COMMD1: variants seen among roughly 807,000 people sequenced by gnomAD.
COMMD1 encodes the protein copper metabolism domain containing 1, also known as COMM domain-containing protein 1.
In COMMD1, 10 loss-of-function variants were observed where a neutral mutation model predicts 17.2. That is an observed-to-expected ratio of 0.58 (90% CI 0.36 to 0.99). COMMD1 has a LOEUF of 0.99. Among genes scored for constraint, COMMD1 ranks in the 50% least tolerant of loss-of-function variants. The pLI is 0.01. For missense variants in COMMD1, 270 were observed against 231.8 expected (o/e 1.17, Z -1.07); for synonymous variants, 97 against 91.6 (o/e 1.06, Z -0.34).
At chr2:62,111,527 C>G (rs917762182) in intron 2 of COMMD1, among the ~76,000 whole-genome samples, 9 of 152,144 alleles carry the variant, frequency 5.9e-5, no homozygotes, top group African/African-American at 1.7e-4. Context: ...ATTCCTTCCT[C>G]CCAGATATGG....
intron 1 of COMMD1, among the ~76,000 whole-genome samples, chr2:61,998,109 C>A (rs1420255908): frequency 1.3e-5 from 2 of 152,244 alleles, no homozygotes; most frequent in Non-Finnish European, 2.9e-5. Context: ...TCACCTCTCT[C>A]AACCTACATA....
chr2:62,047,568 C>T (rs2103910456), intron 2 of COMMD1, among the ~76,000 whole-genome samples: 1 of 152,036 alleles, frequency 6.6e-6, no homozygotes. Flanking sequence ...GATTTTCCTG[C>T]CTCAGCCTCC....
rs562582724 is a variant in COMMD1, at chr2:62,111,452, T to C, written c.463-24379T>C. The stretch of plus-strand genomic sequence containing the variant: ...TACATGGGGTGTATTCTAATGGTAA[T>C]AGACTGAGGGGGGAAGCCCAGCAAG... On this transcript the variant is annotated intron_variant, in intron 2 of 2. Transcript: ENST00000311832. Among the ~76,000 whole-genome samples, 7 of 152,272 alleles carry C rather than the reference T, an allele frequency of 4.6e-5. No homozygotes were observed. The East Asian group carries it at 5.8e-4, about 13-fold the overall frequency.
intron 2 of COMMD1, among the ~76,000 whole-genome samples, chr2:62,063,131 C>A (rs960771445): frequency 1.3e-5 from 2 of 152,178 alleles, no homozygotes; most frequent in South Asian, 2.1e-4. Context: ...GCAGGAGAAT[C>A]GCTTGAACCC....
At chr2:62,106,224 C>A (rs896845870) in intron 2 of COMMD1, among the ~76,000 whole-genome samples, 8 of 152,158 alleles carry the variant, frequency 5.3e-5, no homozygotes, top group South Asian at 2.1e-4. Context: ...TTGCTTGGAC[C>A]AAGGGGCACA....
At chr2:62,046,070 C>T (rs1336485277) in intron 2 of COMMD1, among the ~76,000 whole-genome samples, 7 of 152,182 alleles carry the variant, frequency 4.6e-5, no homozygotes, top group African/African-American at 7.2e-5. Context: ...CCAATGTCAG[C>T]TTGGCCTATG....
At chr2:62,064,198 A>G (rs1336747188) in intron 2 of COMMD1, among the ~76,000 whole-genome samples, 1 of 152,052 alleles carries the variant, frequency 6.6e-6, no homozygotes, top group African/African-American at 2.4e-5. Context: ...ATTTTGAGAC[A>G]GAGTTTCACT....
intron 2 of COMMD1, among the ~76,000 whole-genome samples, chr2:62,124,249 A>C (rs2104083292): frequency 6.6e-6 from 1 of 152,248 alleles, no homozygotes; most frequent in South Asian, 2.1e-4. Context: ...CAGTGAGCTG[A>C]GATCGTGCCA....
At chr2:62,124,710 C>T (rs1236036221) in intron 2 of COMMD1, among the ~76,000 whole-genome samples, 10 of 152,018 alleles carry the variant, frequency 6.6e-5, no homozygotes, top group East Asian at 1.9e-4. Flanking sequence ...CCACCAAGCC[C>T]GGCTAATTTT....
chr2:62,090,756 C>T (rs762654204), intron 2 of COMMD1: 1 of 152,140 alleles, frequency 6.6e-6, no homozygotes, highest in Non-Finnish European at 1.5e-5. Flanking sequence ...ATCAGGGTTC[C>T]AGGTAGTTTG....
chr2:61,955,276 C>T (rs1357197484), intron 1 of COMMD1, among the ~76,000 whole-genome samples: 1 of 151,670 alleles, frequency 6.6e-6, no homozygotes, highest in Non-Finnish European at 1.5e-5. Context: ...ATTGCTAGAG[C>T]TGAGGTTGAG....
intron 2 of COMMD1, among the ~76,000 whole-genome samples, chr2:62,083,110 T>A (rs577196244): frequency 6.6e-6 from 1 of 152,210 alleles, no homozygotes; most frequent in African/African-American, 2.4e-5. Flanking sequence ...AATTTAAAAA[T>A]TAGCTAGGTG....
chr2:61,929,795 A>G lies in COMMD1; in HGVS notation c.180+23937A>G, dbSNP rs190544653. On this transcript the variant is annotated intron_variant, in intron 1 of 2. Transcript: ENST00000311832. ...AAAAATTAGTTGGGTATGGTGGTGC[A>G]TGTCTGTAGTCCCAGCTTTTCTGGA... 1.7e-3 allele frequency among the ~76,000 whole-genome samples: 262 copies of G among 152,228 alleles called. 1 individual carries two copies. Among genetic ancestry groups the G allele is most frequent in the African/African-American group, 5.9e-3 (247 of 41,550 alleles).
chr2:62,020,962 C>T (rs915187213), intron 2 of COMMD1, among the ~76,000 whole-genome samples: 5 of 150,728 alleles, frequency 3.3e-5, no homozygotes, highest in Admixed American at 3.3e-4. Context: ...GAGATTGCGC[C>T]ATTGCACTCC....
chr2:61,931,038 A>G (rs1323710840), intron 1 of COMMD1, among the ~76,000 whole-genome samples: 1 of 152,034 alleles, frequency 6.6e-6, no homozygotes, highest in Admixed American at 6.6e-5. Flanking sequence ...TAGGCTGGGT[A>G]TGGGGGCTCG....
intron 2 of COMMD1, among the ~76,000 whole-genome samples, chr2:62,127,071 G>C (rs1354434467): frequency 6.6e-6 from 1 of 152,010 alleles, no homozygotes; most frequent in Admixed American, 6.6e-5. Context: ...AAGCATTCCT[G>C]TACACCAACA....
At chr2:61,903,859 G>C (rs918125713), upstream of COMMD1, among the ~76,000 whole-genome samples, 1 of 151,662 alleles carries the variant, frequency 6.6e-6, no homozygotes, top group African/African-American at 2.4e-5. Flanking sequence ...TCACTTTGAA[G>C]GAAGGGTAGG....
chr2:61,902,180 G>T (rs1669670584), upstream of COMMD1, among the ~76,000 whole-genome samples: 1 of 151,026 alleles, frequency 6.6e-6, no homozygotes, highest in African/African-American at 2.4e-5. Flanking sequence ...TAGGTAACAA[G>T]CACTAATATT....
intron 2 of COMMD1, among the ~76,000 whole-genome samples, chr2:62,012,780 A>G (rs1207516643): frequency 1.3e-5 from 2 of 152,202 alleles, no homozygotes; most frequent in Non-Finnish European, 2.9e-5. Flanking sequence ...TCACTTAGCT[A>G]GTGATTCAAA....
Sources: gnomAD v4.1 joint callset for allele counts (sites outside exome capture counted in the v4.1 genomes callset) on GRCh38, gnomAD v4.1.1 for gene constraint, MANE v1.5 for transcripts, NCBI Gene and HGNC (gene_info 2026-07-23, HGNC 2026-07-21) for gene names.